Variants in LRGUK observed in about 807,000 individuals in gnomAD.
The protein encoded by LRGUK is leucine-rich repeat and guanylate kinase domain-containing protein.
Under a neutral mutation model 76.0 loss-of-function variants are expected in LRGUK, and 65 were observed. That is an observed-to-expected ratio of 0.85 (90% CI 0.70 to 1.05). LRGUK has a LOEUF of 1.05. Among genes scored for constraint, LRGUK ranks in the 50% least tolerant of loss-of-function variants. The pLI, the probability that LRGUK is intolerant of heterozygous loss-of-function variation, is 0.00. For synonymous variants in LRGUK, 268 were observed against 265.6 expected (o/e 1.01, Z -0.09); for missense variants, 758 against 732.8 (o/e 1.03, Z -0.40).
intron 16 of LRGUK, among the ~76,000 whole-genome samples, chr7:134,245,755 G>T (rs1171712114): frequency 1.3e-5 from 2 of 152,074 alleles, no homozygotes; most frequent in Non-Finnish European, 2.9e-5. Context: ...ACTATAAAGT[G>T]ATTCCCAGCA....
intron 15 of LRGUK, among the ~76,000 whole-genome samples, chr7:134,207,255 A>G (rs1251402229): frequency 6.6e-6 from 1 of 152,154 alleles, no homozygotes; most frequent in East Asian, 1.9e-4. Flanking sequence ...AACCATCATC[A>G]CTACCTATTT....
At chr7:134,232,486 G>T (rs1801925750) in intron 16 of LRGUK, among the ~76,000 whole-genome samples, 1 of 152,008 alleles carries the variant, frequency 6.6e-6, no homozygotes, top group Non-Finnish European at 1.5e-5. Context: ...CACCATGTTG[G>T]CCAGGCTGGC....
chr7:134,276,564 A>G, the LRGUK span, among the ~76,000 whole-genome samples: 1 of 152,166 alleles, frequency 6.6e-6, no homozygotes, highest in East Asian at 1.9e-4. Flanking sequence ...CAAGTCCTCA[A>G]TTCTCTGGGG....
intron 15 of LRGUK, among the ~76,000 whole-genome samples, chr7:134,206,576 ATG>A (rs200883534): frequency 1.3e-5 from 2 of 150,446 alleles, no homozygotes; most frequent in African/African-American, 2.4e-5. Context: ...ATATGTGTGT[ATG>A]TGTGTGTGTG....
downstream of LRGUK, among the ~76,000 whole-genome samples, chr7:134,213,898 T>A (rs1335911706): frequency 6.6e-6 from 1 of 152,242 alleles, no homozygotes; most frequent in Non-Finnish European, 1.5e-5. Flanking sequence ...GTTCCTATCA[T>A]TCCCATTTGA....
At chr7:134,158,289 T>C in intron 6 of LRGUK, 130 bp downstream of exon 6, 1 of 772,672 alleles carries the variant, frequency 1.3e-6, no homozygotes, top group Admixed American at 2.8e-5. Context: ...TTGTCTTCAG[T>C]TTTGTTTGCT....
At chr7:134,201,604 A>ATTT in intron 15 of LRGUK, 28 bp downstream of exon 15, 1 of 1,274,626 alleles carries the variant, frequency 7.8e-7, no homozygotes, top group South Asian at 1.4e-5. Context: ...TTGTGCCAGG[A>ATTT]TTTTTTTTTT....
At chr7:134,224,560 G>A (rs2117160756) in intron 16 of LRGUK, among the ~76,000 whole-genome samples, 1 of 152,242 alleles carries the variant, frequency 6.6e-6, no homozygotes, top group South Asian at 2.1e-4. Flanking sequence ...AAGGGTGGGA[G>A]GAGGGAGAGG....
At chr7:134,255,730 C>G (rs534032350) in intron 18 of LRGUK, among the ~76,000 whole-genome samples, 8 of 152,190 alleles carry the variant, frequency 5.3e-5, no homozygotes, top group African/African-American at 1.9e-4. Context: ...CATTTCAACT[C>G]TATGTCTGAG....
chr7:134,181,643 T>C (rs1262266902), intron 10 of LRGUK, among the ~76,000 whole-genome samples: 9 of 152,210 alleles, frequency 5.9e-5, no homozygotes, highest in African/African-American at 1.9e-4. Flanking sequence ...TTTTCAATAT[T>C]TGTCACTTTC....
At chr7:134,148,061 C>CAAAAAAAAAAAAAAAAAAAAATAAA (rs10556613) in intron 4 of LRGUK, among the ~76,000 whole-genome samples, 177 bp from the exon 5 acceptor site, 1 of 123,236 alleles carries the variant, frequency 8.1e-6, no homozygotes. Context: ...GACTCCTTTT[C>CAAAAAAAAAAAAAAAAAAAAATAAA]AAAAAAAAAA....
At chr7:134,145,854 T>G (rs1300649273) in intron 4 of LRGUK, among the ~76,000 whole-genome samples, 3 of 152,244 alleles carry the variant, frequency 2.0e-5, no homozygotes, top group African/African-American at 7.2e-5. Flanking sequence ...TGCACTCTTT[T>G]TGTATTTATT....
chr7:134,260,832 A>G (rs542733534), intron 19 of LRGUK, among the ~76,000 whole-genome samples: 199 of 152,250 alleles, frequency 1.3e-3, no homozygotes, highest in African/African-American at 4.4e-3. Context: ...GTTAGATGAC[A>G]CAGAGACCAA....
At chr7:134,174,833 CTT>C (rs2116983944) in intron 8 of LRGUK, among the ~76,000 whole-genome samples, 197 bp downstream of exon 8, 1 of 152,104 alleles carries the variant, frequency 6.6e-6, no homozygotes, top group African/African-American at 2.4e-5. Context: ...GACATAAGAT[CTT>C]CTCTCATGAC....
chr7:134,257,783 G>A (rs1025207011), intron 18 of LRGUK, among the ~76,000 whole-genome samples: 3 of 151,704 alleles, frequency 2.0e-5, no homozygotes, highest in Non-Finnish European at 4.4e-5. Context: ...CAGTCTGGGT[G>A]ACAGAATAAG....
At chr7:134,156,535 A>C (rs1798466516) in intron 5 of LRGUK, among the ~76,000 whole-genome samples, 1 of 152,228 alleles carries the variant, frequency 6.6e-6, no homozygotes, top group Non-Finnish European at 1.5e-5. Flanking sequence ...TTTAGAAAGG[A>C]GCAAGAAAAA....
chr7:134,140,897 C>A (rs1278888204), intron 3 of LRGUK, among the ~76,000 whole-genome samples: 1 of 152,158 alleles, frequency 6.6e-6, no homozygotes, highest in Admixed American at 6.5e-5. Flanking sequence ...CATCTATATA[C>A]CTCCCTGCCC....
exon 16 of LRGUK, chr7:134,209,323 C>T (rs1585559317): frequency 2.5e-6 from 1 of 399,238 alleles, no homozygotes; most frequent in East Asian, 3.6e-5. Flanking sequence ...CCAGCAGTTC[C>T]CACCATGATC....
At chr7:134,183,463 A>T (rs918518177) in intron 10 of LRGUK, among the ~76,000 whole-genome samples, 1 of 152,228 alleles carries the variant, frequency 6.6e-6, no homozygotes, top group African/African-American at 2.4e-5. Context: ...CACTCTAGCC[A>T]TCAAGAACCA....
Sources: allele counts gnomAD v4.1 joint callset (sites outside exome capture counted in the v4.1 genomes callset), GRCh38; gene constraint gnomAD v4.1.1; transcripts MANE v1.5; gene names NCBI Gene and HGNC (gene_info 2026-07-23, HGNC 2026-07-21).